The following SLC17A9 variants were observed in gnomAD, a reference collection of about 807,000 sequenced individuals.
The protein encoded by SLC17A9 is solute carrier family 17 member 9.
In SLC17A9, 49 loss-of-function variants were observed where a neutral mutation model predicts 55.0. The ratio of observed to expected loss-of-function variants is 0.89; its 90% CI spans 0.71 to 1.13. SLC17A9 has a LOEUF of 1.13. Ranked by LOEUF, SLC17A9 falls within the 50% of genes most tolerant of loss-of-function variation. SLC17A9 has a pLI of 0.00. For missense variants in SLC17A9, 526 were observed against 569.3 expected (o/e 0.92, Z 0.77); for synonymous variants, 256 against 247.4 (o/e 1.03, Z -0.32).
chr20:62,963,239 G>C (rs778843422), intron 5 of SLC17A9, 34 bp from the exon 6 acceptor site: 1 of 1,607,064 alleles, frequency 6.2e-7, no homozygotes, highest in African/African-American at 1.3e-5. Context: ...CTCCCGCCCT[G>C]ATAGCCATCA....
rs556131353 is a variant in SLC17A9 at position 62,957,784 on chromosome 20, C to G, written c.397+204C>G. Among the ~76,000 whole-genome samples the G allele has an allele frequency of 3.6e-3, 469 of 131,920 alleles. 16 individuals are homozygous for G. Among genetic ancestry groups the G allele is most frequent in the Middle Eastern group, 0.013 (3 of 224 alleles). The allele number at this position is 131,920 out of a possible 152,430, so 86.5% of individuals were successfully genotyped here. On this transcript the variant is annotated intron_variant, in intron 3 of 12. Transcript: ENST00000370351. ...TATGGCATGCCCGCGTGCATGCGTG[C>G]ACCTGTGTGTGTGTGCGTGTGCAAG...
At chr20:62,957,071 G>A (rs1328293659) in intron 2 of SLC17A9, 109 bp downstream of exon 2, 1 of 1,389,836 alleles carries the variant, frequency 7.2e-7, no homozygotes, top group East Asian at 2.4e-5. Flanking sequence ...CGACTCCTGG[G>A]GAAGGAGCTT....
At chr20:62,954,572 C>T (rs754657270) in intron 1 of SLC17A9, among the ~76,000 whole-genome samples, 3 of 152,192 alleles carry the variant, frequency 2.0e-5, no homozygotes, top group South Asian at 2.1e-4. Context: ...GCACACCCCC[C>T]GTCCCCCGCG....
At chr20:62,956,525 G>A (rs1048475308) in intron 1 of SLC17A9, among the ~76,000 whole-genome samples, 1 of 152,206 alleles carries the variant, frequency 6.6e-6, no homozygotes, top group Non-Finnish European at 1.5e-5. Context: ...ACCTGCCCGA[G>A]TGCTGGCCAC....
rs1039429645 is a variant in SLC17A9, at chr20:62,958,571, C to A, written c.397+991C>A. On this transcript the variant is annotated intron_variant, in intron 3 of 12. Coordinates refer to ENST00000370351, the MANE Select transcript of SLC17A9 (RefSeq NM_022082.4). This position sits in a 1 kb window ranked among gnomAD's most constrained non-coding sequence, Gnocchi z 4.1. ...GCAGTTCCCTGCCTGGGCCACTCCT[C>A]CCCCAGTGTCCTGGGCCATCCAGAC... Among the ~76,000 whole-genome samples the A allele has an allele frequency of 6.6e-6, 1 of 152,066 alleles. No homozygotes were observed.
rs550612175 is a variant in SLC17A9, at chr20:62,958,052, C to G, written c.397+472C>G. On this transcript the variant is annotated intron_variant, in intron 3 of 12. Transcript: ENST00000370351. This position sits in a 1 kb window ranked among gnomAD's most constrained non-coding sequence, Gnocchi z 4.1. ...CTTGTGCGTGCAGGTGGTATGCATG[C>G]GTGTGCATGCCTGTATGCATGTGTA... Among the ~76,000 whole-genome samples the G allele has an allele frequency of 2.0e-5, 3 of 152,076 alleles. No homozygotes were observed. The highest frequency in any genetic ancestry group is 7.2e-5 in the African/African-American group (3 of 41,398).
In SLC17A9 at chr20:62,967,774, G is replaced by C. The variant is rs931119400; in HGVS notation, c.*274G>C. 1 of 380,722 alleles carries C rather than the reference G, an allele frequency of 2.6e-6. No homozygotes were observed. 23.6% of individuals were successfully genotyped at this position (380,722 alleles called of 1,614,324 possible). Reference sequence around the variant, plus strand: ...GTCCTCCTCACAGGCTGGTGTGGCCGTCAGGGTGGGTGGGGTTATTGTTAG... The same window carrying C: ...GTCCTCCTCACAGGCTGGTGTGGCCCTCAGGGTGGGTGGGGTTATTGTTAG... On this transcript the variant is annotated 3_prime_UTR_variant, in exon 13 of 13. Coordinates refer to ENST00000370351, the MANE Select transcript of SLC17A9 (RefSeq NM_022082.4).
chr20:62,966,761 T>A, intron 12 of SLC17A9, 29 bp downstream of exon 12: 1 of 1,598,292 alleles, frequency 6.3e-7, no homozygotes, highest in East Asian at 2.2e-5. Context: ...TGCCCAGGAG[T>A]TCCCCTGTCT....
Position 62,963,596 on chromosome 20 carries a change from C to A in SLC17A9, c.738C>A (p.Val246=). ...TTGGGCCCCGCAGGGCAGCCGTCGT[C>A]TCCCAGCTCTCTGCAGCCTGCTCCT... is the stretch of plus-strand genomic sequence containing the variant. ...FRKPAVWAAV[V]SQLSAACSFF... The change falls in exon 7 of 13, where the codon GTC becomes GTA. Residue 246 remains valine (V), a synonymous_variant. Transcript: ENST00000370351. 6.3e-7 allele frequency: 1 copy of A among 1,596,866 alleles called. No homozygotes were observed. The highest frequency in any genetic ancestry group is 8.5e-7 in the Non-Finnish European group (1 of 1,171,654).
intron 7 of SLC17A9, chr20:62,963,927 C>T: frequency 1.7e-6 from 1 of 597,432 alleles, no homozygotes; most frequent in Non-Finnish European, 3.0e-6. Flanking sequence ...GCAGCCCTCC[C>T]AGCCCTCATC....
Position 62,962,371 on chromosome 20 carries a change from C to T in SLC17A9, c.498-253C>T. On this transcript the variant is annotated intron_variant, in intron 4 of 12. Coordinates refer to ENST00000370351, the MANE Select transcript of SLC17A9 (RefSeq NM_022082.4). This position sits in a 1 kb window ranked among gnomAD's most constrained non-coding sequence, Gnocchi z 5.5. ...AAAAACAATGTGAGTTCCACAGCAG[C>T]CGCCCGACTGGGACACATGCGTGGC... 2.8e-6 allele frequency: 1 copy of T among 357,660 alleles called. No homozygotes were observed. The highest frequency in any genetic ancestry group is 5.2e-6 in the Non-Finnish European group (1 of 193,428). 22.2% of individuals were successfully genotyped at this position (357,660 alleles called of 1,614,324 possible).
At chr20:62,955,273 A>C (rs1474848090) in intron 1 of SLC17A9, among the ~76,000 whole-genome samples, 1 of 150,996 alleles carries the variant, frequency 6.6e-6, no homozygotes, top group Non-Finnish European at 1.5e-5. Flanking sequence ...TCAGCCTCCC[A>C]AGTAGCTGGG....
intron 1 of SLC17A9, among the ~76,000 whole-genome samples, chr20:62,954,592 G>A (rs1204431190): frequency 6.6e-6 from 1 of 152,188 alleles, no homozygotes; most frequent in Non-Finnish European, 1.5e-5. Context: ...GCCCCCAGCA[G>A]GATGGAGGAT....
In SLC17A9 at chr20:62,962,897, C is replaced by T. The variant is rs2065601285; in HGVS notation, c.628+143C>T. ...CAAAGAATCCGCCAGTGAGGAAAAGCGCTCGGGTGCTGAGCTGTCAGCGGC... is the reference window on the plus strand; with the variant it reads ...CAAAGAATCCGCCAGTGAGGAAAAGTGCTCGGGTGCTGAGCTGTCAGCGGC... On this transcript the variant is annotated intron_variant, in intron 5 of 12. Transcript: ENST00000370351. The surrounding 1 kb of genome is among the most constrained non-coding windows in gnomAD (Gnocchi z 5.5). The T allele has an allele frequency of 4.9e-6, 6 of 1,226,666 alleles. No homozygotes were observed. Among genetic ancestry groups the T allele is most frequent in the South Asian group, 2.9e-5 (2 of 69,152 alleles). 76.0% of individuals were successfully genotyped at this position (1,226,666 alleles called of 1,614,324 possible).
At chr20:62,955,267 C>T (rs1048575389) in intron 1 of SLC17A9, among the ~76,000 whole-genome samples, 19 of 151,986 alleles carry the variant, frequency 1.3e-4, no homozygotes, top group East Asian at 9.6e-4. Context: ...CCTGCCTCAG[C>T]CTCCCAAGTA....
chr20:62,953,737 A>C (rs2065511602), intron 1 of SLC17A9, among the ~76,000 whole-genome samples: 1 of 152,228 alleles, frequency 6.6e-6, no homozygotes, highest in Admixed American at 6.5e-5. Flanking sequence ...CAGCTGTATG[A>C]GGGCTGAGGA....
At position 62,967,736 on chromosome 20, in the gene SLC17A9, CGG is replaced by C; in HGVS notation, c.*238_*239del. ...GGGCCTCAGTTTCCCCACCTGCCAG[CGG>C]GCTCGGCCCTGTCCTCCTCACAGGC... On this transcript the variant is annotated 3_prime_UTR_variant, in exon 13 of 13. Coordinates refer to ENST00000370351, the MANE Select transcript of SLC17A9 (RefSeq NM_022082.4). 1 of 490,374 alleles carries C rather than the reference CGG, an allele frequency of 2.0e-6. No individual in the cohort carries two copies. The allele number at this position is 490,374 out of a possible 1,614,324, so 30.4% of individuals were successfully genotyped here.
rs2065557782 is a variant in SLC17A9 at position 62,958,085 on chromosome 20, G to A, written c.397+505G>A. Among the ~76,000 whole-genome samples, 1 of 152,170 alleles carries A rather than the reference G, an allele frequency of 6.6e-6. No individual in the cohort carries two copies. The highest frequency in any genetic ancestry group is 2.1e-4 in the South Asian group (1 of 4,834). Reference sequence around the variant, plus strand: ...TGCCTGTATGCATGTGTATGTGTGTGTGCGTTCCTGTATCCATGTGTATGT... The same window carrying A: ...TGCCTGTATGCATGTGTATGTGTGTATGCGTTCCTGTATCCATGTGTATGT... On this transcript the variant is annotated intron_variant, in intron 3 of 12. Coordinates refer to ENST00000370351, the MANE Select transcript of SLC17A9 (RefSeq NM_022082.4). This position sits in a 1 kb window ranked among gnomAD's most constrained non-coding sequence, Gnocchi z 4.1.
chr20:62,967,416 C>T lies in SLC17A9; in HGVS notation c.1227C>T (p.Ile409=). The T allele has an allele frequency of 6.2e-7, 1 of 1,614,218 alleles. No individual in the cohort carries two copies. The highest frequency in any genetic ancestry group is 8.5e-7 in the Non-Finnish European group (1 of 1,180,028). ...SWTCLFNLVA[I]ISNLGLCTFL... Reference sequence around the variant, plus strand: ...CTTGCCTGTTCAACCTTGTGGCCATCATCAGCAACCTGGGGCTGTGCACCT... The same window carrying T: ...CTTGCCTGTTCAACCTTGTGGCCATTATCAGCAACCTGGGGCTGTGCACCT... The change falls in exon 13 of 13, where the codon ATC becomes ATT. Residue 409 remains isoleucine, a synonymous_variant. Transcript: ENST00000370351.
Sources: gnomAD v4.1 joint callset for allele counts (sites outside exome capture counted in the v4.1 genomes callset) on GRCh38, gnomAD v4.1.1 for gene constraint, Gnocchi (gnomAD v3.1) non-coding constraint, MANE v1.5 for transcripts, NCBI Gene and HGNC (gene_info 2026-07-23, HGNC 2026-07-21) for gene names.